PRKX: variants seen among roughly 807,000 people sequenced by gnomAD.
PRKX encodes the protein protein kinase cAMP-dependent X-linked catalytic subunit.
A neutral mutation model predicts 22.0 loss-of-function variants in PRKX; 12 were observed. The observed-to-expected ratio is 0.54, with a 90% CI of 0.35 to 0.88. The LOEUF (loss-of-function observed/expected upper bound fraction) is 0.88, where lower values mean the gene tolerates loss of function less well. Ranked by LOEUF, PRKX falls within the 40% of genes least tolerant of loss-of-function variation. The pLI is 0.01. For synonymous variants in PRKX, 134 were observed against 137.7 expected (o/e 0.97, Z 0.19); for missense variants, 217 against 308.0 (o/e 0.70, Z 2.21).
In PRKX at chrX:3,612,233, C is replaced by T. The variant is rs1926311225; in HGVS notation, c.1044G>A (p.Pro348=). The T allele has an allele frequency of 1.7e-6, 2 of 1,206,609 alleles. No individual in the cohort carries two copies. Among genetic ancestry groups the T allele is most frequent in the African/African-American group, 3.5e-5 (2 of 56,753 alleles). ...TCTTGAAGATTTCTAAATCCTTCTG[C>T]GGCACGGGCGCGGCTGTGTCCCAGT... ...ENDWDTAAPV[P]QKDLEIFKNF The change falls in exon 8 of 9, where the codon CCG becomes CCA. Residue 348 remains proline (P), a synonymous_variant. Coordinates refer to ENST00000262848, the MANE Select transcript of PRKX (RefSeq NM_005044.5).
At chrX:3,682,946 GAGA>G (rs1305146952) in intron 1 of PRKX, among the ~76,000 whole-genome samples, 3 of 110,207 alleles carry the variant, frequency 2.7e-5, no homozygotes, top group Non-Finnish European at 5.7e-5. Flanking sequence ...GTTCCTGTAA[GAGA>G]AGAAGAGAAG....
At chrX:3,682,911 G>A (rs868738644) in intron 1 of PRKX, among the ~76,000 whole-genome samples, 15 of 110,811 alleles carry the variant, frequency 1.4e-4, no homozygotes, top group Non-Finnish European at 2.1e-4. Context: ...CAAAATTGGA[G>A]TGGACCCTAA....
At position 3,641,590 on chromosome X, in the gene PRKX, A is replaced by T. The variant is rs191990006; in HGVS notation, c.719+262T>A. 2.1e-3 allele frequency: 417 copies of T among 194,729 alleles called. 3 individuals carry two copies. Among genetic ancestry groups the T allele is most frequent in the African/African-American group, 0.011 (332 of 31,197 alleles). The allele number at this position is 194,729 out of a possible 1,213,427, so 16.0% of individuals were successfully genotyped here. A position where few individuals can be genotyped will look rare whatever the true frequency, so the allele number is the denominator to read the frequency against. ...AATTGTATATTTAAAGAAGATATGG[A>T]TATTTCAATATAAAAATCTCAATGG... On this transcript the variant is annotated intron_variant, in intron 4 of 8. Coordinates refer to ENST00000262848, the MANE Select transcript of PRKX (RefSeq NM_005044.5).
intron 1 of PRKX, among the ~76,000 whole-genome samples, chrX:3,680,465 A>G (rs936144179): frequency 9.0e-6 from 1 of 110,704 alleles, no homozygotes; most frequent in African/African-American, 3.3e-5. Flanking sequence ...TTCTGTCTGG[A>G]GGGATGGGAA....
intron 1 of PRKX, among the ~76,000 whole-genome samples, chrX:3,681,473 G>A (rs1159270955): frequency 2.6e-4 from 28 of 108,764 alleles, no homozygotes; most frequent in Non-Finnish European, 4.0e-4. Context: ...ACAACACAGT[G>A]AGACCCCAGC....
rs768753552 is a variant in PRKX at position 3,608,340 on chromosome X, C to G, written c.*629G>C. Reference sequence around the variant, plus strand: ...GTCTCAAGTTACCAGGTAAGAAGCACTAAAGATACTGAAGGTAGACCTCCC... The same window carrying G: ...GTCTCAAGTTACCAGGTAAGAAGCAGTAAAGATACTGAAGGTAGACCTCCC... On this transcript the variant is annotated 3_prime_UTR_variant, in exon 9 of 9. Transcript: ENST00000262848. 6 of 110,400 alleles carry G rather than the reference C, an allele frequency of 5.4e-5. No individual in the cohort carries two copies. The East Asian group carries it at 1.7e-3, about 31-fold the overall frequency. 9.1% of individuals were successfully genotyped at this position (110,400 alleles called of 1,213,427 possible). A position where few individuals can be genotyped will look rare whatever the true frequency, so the allele number is the denominator to read the frequency against.
chrX:3,692,951 A>G (rs1215289219), intron 1 of PRKX, among the ~76,000 whole-genome samples: 2 of 111,600 alleles, frequency 1.8e-5, no homozygotes, highest in African/African-American at 3.3e-5. Flanking sequence ...GAAGTGGTTT[A>G]TGCAGTCCAG....
intron 1 of PRKX, among the ~76,000 whole-genome samples, chrX:3,675,091 C>T (rs1051642036): frequency 3.6e-5 from 4 of 111,789 alleles, no homozygotes; most frequent in African/African-American, 1.3e-4. Context: ...GCACACAGCA[C>T]ACCCACACGC....
intron 2 of PRKX, among the ~76,000 whole-genome samples, chrX:3,657,347 C>T (rs1927500901): frequency 9.0e-6 from 1 of 110,566 alleles, no homozygotes; most frequent in African/African-American, 3.3e-5. Flanking sequence ...GACTGGAGTC[C>T]TAAGAAGAGG....
chrX:3,697,019 AAAAC>A (rs1474420111), intron 1 of PRKX, among the ~76,000 whole-genome samples: 2 of 93,785 alleles, frequency 2.1e-5, no homozygotes, highest in Admixed American at 1.1e-4. Flanking sequence ...GACTGTCTCA[AAAAC>A]AAACAAACAG....
chrX:3,713,383 C>G lies in PRKX; in HGVS notation c.-130G>C. 1.8e-6 allele frequency: 1 copy of G among 554,658 alleles called. No individual in the cohort carries two copies. Among genetic ancestry groups the G allele is most frequent in the Non-Finnish European group, 2.5e-6 (1 of 408,065 alleles). 45.7% of individuals were successfully genotyped at this position (554,658 alleles called of 1,213,427 possible). A position where few individuals can be genotyped will look rare whatever the true frequency, so the allele number is the denominator to read the frequency against. On this transcript the variant is annotated 5_prime_UTR_variant, in exon 1 of 9. Transcript: ENST00000262848. ...AGGCTCCCCATGCGCGCTCTCGCCTCCTGGTGCGCGGTCCGGCGCGGCTGA... is the reference window on the plus strand; with the variant it reads ...AGGCTCCCCATGCGCGCTCTCGCCTGCTGGTGCGCGGTCCGGCGCGGCTGA...
At chrX:3,688,112 G>A (rs751940171) in intron 1 of PRKX, among the ~76,000 whole-genome samples, 170 of 110,414 alleles carry the variant, frequency 1.5e-3, no homozygotes, top group African/African-American at 5.0e-3. Flanking sequence ...CAGCCTGGGC[G>A]ACAGAGCAAG....
chrX:3,679,041 G>A (rs1432708091), intron 1 of PRKX, among the ~76,000 whole-genome samples: 5 of 111,685 alleles, frequency 4.5e-5, no homozygotes, highest in African/African-American at 9.8e-5. Context: ...ATGCACGAGG[G>A]AAATCAGATG....
At chrX:3,653,105 GC>G (rs112604814) in intron 3 of PRKX, among the ~76,000 whole-genome samples, 1 of 111,328 alleles carries the variant, frequency 9.0e-6, no homozygotes, top group Non-Finnish European at 1.9e-5. Context: ...GAATGTATGT[GC>G]CCCCCGCCAA....
intron 3 of PRKX, among the ~76,000 whole-genome samples, chrX:3,642,447 G>A: frequency 9.1e-6 from 1 of 109,999 alleles, no homozygotes; most frequent in Middle Eastern, 4.6e-3. Flanking sequence ...CACAGAGAGG[G>A]GGAAAAGCAG....
intron 2 of PRKX, among the ~76,000 whole-genome samples, chrX:3,661,130 T>C (rs182490340): frequency 2.9e-3 from 320 of 111,688 alleles, no homozygotes; most frequent in Middle Eastern, 0.014. Flanking sequence ...GGGATCACCC[T>C]TCAGCATCTT....
At chrX:3,708,640 G>A (rs949599458) in intron 1 of PRKX, among the ~76,000 whole-genome samples, 2 of 110,233 alleles carry the variant, frequency 1.8e-5, no homozygotes, top group Non-Finnish European at 3.8e-5. Context: ...CAAGGCGGGC[G>A]GATCGCCTGA....
intron 1 of PRKX, among the ~76,000 whole-genome samples, chrX:3,677,231 A>G (rs982940167): frequency 1.1e-4 from 12 of 111,569 alleles, no homozygotes; most frequent in Non-Finnish European, 2.3e-4. Flanking sequence ...CTGAACTGAT[A>G]AATGAAATTT....
chrX:3,642,141 T>C (rs934143328), intron 3 of PRKX, among the ~76,000 whole-genome samples, 170 bp from the exon 4 acceptor site: 2 of 111,222 alleles, frequency 1.8e-5, no homozygotes, highest in African/African-American at 6.6e-5. Flanking sequence ...TTTTCGCTGA[T>C]TCCTTTCCAT....
Sources: gnomAD v4.1 joint callset for allele counts (sites outside exome capture counted in the v4.1 genomes callset) on GRCh38, gnomAD v4.1.1 for gene constraint, MANE v1.5 for transcripts, NCBI Gene and HGNC (gene_info 2026-07-23, HGNC 2026-07-21) for gene names.